Variants in DACH2 observed in about 807,000 individuals in gnomAD.
The protein encoded by DACH2 is dachshund family transcription factor 2.
A neutral mutation model predicts 35.8 loss-of-function variants in DACH2; 17 were observed. The observed-to-expected ratio is 0.48, with a 90% confidence interval of 0.33 to 0.71. DACH2 has a LOEUF of 0.71. Among genes scored for constraint, DACH2 ranks in the 30% least tolerant of loss-of-function variants. DACH2 has a pLI of 0.02. For synonymous variants in DACH2, 195 were observed against 177.3 expected, an observed-to-expected ratio of 1.10 and a Z score of -0.79; for missense variants, 469 against 472.7, an observed-to-expected ratio of 0.99 and a Z score of 0.07.
At chrX:86,413,892 G>A (rs936081386) in intron 2 of DACH2, among the ~76,000 whole-genome samples, 7 of 111,362 alleles carry the variant, frequency 6.3e-5, no homozygotes, top group African/African-American at 2.3e-4. Context: ...ACCTCCATTA[G>A]CACCTACTTT....
intron 1 of DACH2, among the ~76,000 whole-genome samples, chrX:86,290,783 T>A (rs1256676898): frequency 1.0e-5 from 1 of 96,523 alleles, no homozygotes; most frequent in Admixed American, 1.2e-4. Flanking sequence ...TTGATCTATA[T>A]CTCTGTTTTG....
chrX:86,174,650 A>G (rs935464284), intron 1 of DACH2, among the ~76,000 whole-genome samples: 3 of 111,119 alleles, frequency 2.7e-5, no homozygotes, highest in Non-Finnish European at 5.7e-5. Context: ...AATTATAAGC[A>G]TGTTTGAAAA....
chrX:86,610,066 C>T (rs951133344), intron 3 of DACH2, among the ~76,000 whole-genome samples: 3 of 111,818 alleles, frequency 2.7e-5, no homozygotes, highest in African/African-American at 9.8e-5. Flanking sequence ...GTCCCCTAGG[C>T]CTTGAGGAGG....
chrX:86,308,841 T>C (rs1399205362), intron 1 of DACH2, among the ~76,000 whole-genome samples: 2 of 111,354 alleles, frequency 1.8e-5, no homozygotes, highest in African/African-American at 6.5e-5. Flanking sequence ...TCAGTTAAAG[T>C]AGGGGCTTAT....
rs1264732173 is a variant in DACH2 at position 86,264,791 on chromosome X, GGGCTTA to G, written c.489-112028_489-112023del. 3.6e-5 allele frequency among the ~76,000 whole-genome samples: 4 copies of G among 111,577 alleles called. No homozygotes were observed. The East Asian group carries it at 1.1e-3, about 31-fold the overall frequency. On this transcript the variant is annotated intron_variant, in intron 1 of 11. Transcript: ENST00000373125. ...CTGGTCGTGTTATGAAAGAACTGATGGGCTTAGGCTCCTTTTTCACAGCTCATGGCA... is the reference window on the plus strand; with the variant it reads ...CTGGTCGTGTTATGAAAGAACTGATGGGCTCCTTTTTCACAGCTCATGGCA...
intron 3 of DACH2, among the ~76,000 whole-genome samples, chrX:86,610,418 T>TTTCTTTCTTTCTTTCTTTC (rs1491456126): frequency 3.1e-4 from 19 of 62,193 alleles, no homozygotes; most frequent in Admixed American, 6.2e-4. Flanking sequence ...TCTTTCTTTC[T>TTTCTTTCTTTCTTTCTTTC]TTTCTTTCTT....
chrX:86,570,769 T>C (rs1490198786), intron 3 of DACH2, among the ~76,000 whole-genome samples: 1 of 111,221 alleles, frequency 9.0e-6, no homozygotes, highest in Non-Finnish European at 1.9e-5. Flanking sequence ...TCAAAAATCT[T>C]TTACTCATTT....
intron 7 of DACH2, among the ~76,000 whole-genome samples, chrX:86,767,185 A>T (rs2041943358): frequency 8.9e-6 from 1 of 111,846 alleles, no homozygotes; most frequent in African/African-American, 3.2e-5. Flanking sequence ...TTATGGGGAA[A>T]TCAATATCAC....
At chrX:86,803,367 C>A (rs147239862) in intron 7 of DACH2, among the ~76,000 whole-genome samples, 4,618 of 111,182 alleles carry the variant, frequency 0.042, 231 homozygotes, top group African/African-American at 0.14. Context: ...AGCTATTTTT[C>A]GAAATTGTAA....
chrX:86,462,963 T>G, intron 2 of DACH2, among the ~76,000 whole-genome samples: 1 of 111,626 alleles, frequency 9.0e-6, no homozygotes, highest in East Asian at 2.8e-4. Flanking sequence ...CCTATTTTAT[T>G]TATAAACTTA....
chrX:86,422,823 A>G (rs962976742), intron 2 of DACH2, among the ~76,000 whole-genome samples: 6 of 111,041 alleles, frequency 5.4e-5, no homozygotes, highest in Non-Finnish European at 1.1e-4. Context: ...GTCCACCACT[A>G]TCTTTTCCAG....
rs1192948591 is a variant in DACH2 at position 86,160,242 on chromosome X, T to G, written c.488+11134T>G. On this transcript the variant is annotated intron_variant, in intron 1 of 11. Transcript: ENST00000373125. ...ATTAGGGATAATATTCATTTAGCCT[T>G]CTGAGCTTTCTGGGCAGACTTGGTG... 5.7e-5 allele frequency: 68 copies of G among 1,194,657 alleles called. 1 individual carries two copies. The Admixed American group carries it at 1.4e-3, about 25-fold the overall frequency.
intron 1 of DACH2, among the ~76,000 whole-genome samples, chrX:86,217,306 A>T (rs2032599942): frequency 9.0e-6 from 1 of 111,512 alleles, no homozygotes; most frequent in Non-Finnish European, 1.9e-5. Context: ...ATTTGAAGAA[A>T]AATAGGTTGA....
chrX:86,600,588 G>C (rs889416166), intron 3 of DACH2, among the ~76,000 whole-genome samples: 1 of 111,827 alleles, frequency 8.9e-6, no homozygotes, highest in Non-Finnish European at 1.9e-5. Flanking sequence ...CATTACCTAG[G>C]CCATTTTGGC....
chrX:86,597,901 G>A lies in DACH2; in HGVS notation c.641-53135G>A, dbSNP rs761640843. 7.2e-5 allele frequency among the ~76,000 whole-genome samples: 8 copies of A among 111,550 alleles called. No individual in the cohort carries two copies. The South Asian group carries it at 2.6e-3, about 36-fold the overall frequency. On this transcript the variant is annotated intron_variant, in intron 3 of 11. Coordinates refer to ENST00000373125, the MANE Select transcript of DACH2 (RefSeq NM_053281.3). ...TGCTGATAAAGATATACCCAATACT[G>A]GGCAATTTACAGAAGAAAGAGGTAA...
intron 1 of DACH2, among the ~76,000 whole-genome samples, chrX:86,228,724 G>A (rs980185956): frequency 1.8e-5 from 2 of 111,680 alleles, no homozygotes; most frequent in Non-Finnish European, 3.8e-5. Flanking sequence ...GTGATGTTGA[G>A]CATTTTTTCA....
rs2033599878 is a variant in DACH2 at position 86,260,154 on chromosome X, C to A, written c.488+111046C>A. The stretch of plus-strand genomic sequence containing the variant: ...TGATTAATTAACTTATGGATTTAAT[C>A]CATAAGTTTAAACCGGATAAAACTT... On this transcript the variant is annotated intron_variant, in intron 1 of 11. Coordinates refer to ENST00000373125, the MANE Select transcript of DACH2 (RefSeq NM_053281.3). 3.6e-5 allele frequency among the ~76,000 whole-genome samples: 4 copies of A among 110,564 alleles called. No individual in the cohort carries two copies. The South Asian group carries it at 1.5e-3, about 43-fold the overall frequency.
chrX:86,530,039 T>C (rs980347918), intron 3 of DACH2, among the ~76,000 whole-genome samples: 43 of 109,245 alleles, frequency 3.9e-4, no homozygotes, highest in Non-Finnish European at 1.9e-4. Context: ...TCTATTGAGA[T>C]TTTTTAGGAC....
At chrX:86,443,093 T>G (rs2037197915) in intron 2 of DACH2, among the ~76,000 whole-genome samples, 1 of 112,093 alleles carries the variant, frequency 8.9e-6, no homozygotes, top group South Asian at 3.7e-4. Context: ...TTAGAATTTT[T>G]ATCTATTTCC....
Sources: gnomAD v4.1 joint callset for allele counts (sites outside exome capture counted in the v4.1 genomes callset) on GRCh38, gnomAD v4.1.1 for gene constraint, MANE v1.5 for transcripts, NCBI Gene and HGNC (gene_info 2026-07-23, HGNC 2026-07-21) for gene names.